AMD1: variants seen among roughly 807,000 people sequenced by gnomAD.
The protein encoded by AMD1 is S-adenosylmethionine decarboxylase proenzyme.
A neutral mutation model predicts 40.2 loss-of-function variants in AMD1; 11 were observed. The ratio of observed to expected loss-of-function variants is 0.27; its 90% CI spans 0.17 to 0.45. The LOEUF is 0.45. AMD1 is among the 20% of genes least tolerant of loss of function. The probability of loss-of-function intolerance (pLI) is 1.00; values close to 1 mark genes in which losing one functional copy is unlikely to be tolerated. For missense variants in AMD1, 257 were observed against 410.2 expected, an observed-to-expected ratio of 0.63 and a Z score of 3.23; for synonymous variants, 121 against 130.8, an observed-to-expected ratio of 0.93 and a Z score of 0.51.
At chr6:110,852,347 GAGTAGCT>G in the AMD1 span, among the ~76,000 whole-genome samples, 2 of 149,832 alleles carry the variant, frequency 1.3e-5, no homozygotes, top group African/African-American at 2.5e-5. Flanking sequence ...TCAGTCTCCC[GAGTAGCT>G]ACAACTACAG....
intron 1 of AMD1, among the ~76,000 whole-genome samples, chr6:110,878,449 G>T (rs1191341782): frequency 2.0e-5 from 3 of 152,114 alleles, no homozygotes; most frequent in Admixed American, 6.5e-5. Flanking sequence ...GTAATACTGA[G>T]AAATTTAACA....
At chr6:110,890,231 CTT>C in intron 3 of AMD1, 21 bp from the exon 4 acceptor site, 3 of 1,456,530 alleles carry the variant, frequency 2.1e-6, no homozygotes, top group Non-Finnish European at 2.8e-6. Context: ...CTTTTTTTTT[CTT>C]TCTTTTCTTT....
At chr6:110,887,312 G>A (rs932437892) in intron 1 of AMD1, among the ~76,000 whole-genome samples, 193 bp from the exon 2 acceptor site, 4 of 151,786 alleles carry the variant, frequency 2.6e-5, no homozygotes, top group Non-Finnish European at 5.9e-5. Flanking sequence ...ACCAATTTTT[G>A]TTTCATATAT....
the AMD1 span, among the ~76,000 whole-genome samples, chr6:110,830,342 A>G: frequency 6.6e-6 from 1 of 152,054 alleles, no homozygotes; most frequent in African/African-American, 2.4e-5. Flanking sequence ...GTTTCGAGAC[A>G]GGATCTCACT....
chr6:110,844,499 G>A, the AMD1 span, among the ~76,000 whole-genome samples: 5 of 151,368 alleles, frequency 3.3e-5, no homozygotes, highest in African/African-American at 9.7e-5. Flanking sequence ...GGCTTCTTCT[G>A]GGCTGGGTGT....
the AMD1 span, among the ~76,000 whole-genome samples, chr6:110,817,140 A>G: frequency 6.6e-6 from 1 of 152,322 alleles, no homozygotes; most frequent in South Asian, 2.1e-4. Flanking sequence ...GATAGGACAT[A>G]ACACATTCAT....
the AMD1 span, among the ~76,000 whole-genome samples, chr6:110,820,240 CTT>C: frequency 4.9e-5 from 7 of 141,964 alleles, no homozygotes; most frequent in Non-Finnish European, 4.6e-5. Context: ...TTCTTTCTTT[CTT>C]TTTTTTTTTT....
intron 4 of AMD1, 34 bp from the exon 5 acceptor site, chr6:110,892,127 G>T: frequency 6.2e-7 from 1 of 1,609,362 alleles, no homozygotes; most frequent in Non-Finnish European, 8.5e-7. Flanking sequence ...AAATGGATGT[G>T]TTATATTTAT....
At chr6:110,823,158 T>C in the AMD1 span, among the ~76,000 whole-genome samples, 5 of 152,218 alleles carry the variant, frequency 3.3e-5, no homozygotes, top group African/African-American at 9.6e-5. Flanking sequence ...AGAAGAAGCA[T>C]TTTCTAAAAT....
intron 1 of AMD1, among the ~76,000 whole-genome samples, chr6:110,877,324 C>G (rs1050301732): frequency 2.0e-5 from 3 of 152,250 alleles, no homozygotes; most frequent in Non-Finnish European, 4.4e-5. Context: ...TTCGTTGGAA[C>G]ATTTTTCAGT....
chr6:110,883,747 A>ACG (rs1785529563), intron 1 of AMD1, among the ~76,000 whole-genome samples: 1 of 150,456 alleles, frequency 6.6e-6, no homozygotes, highest in Admixed American at 6.6e-5. Flanking sequence ...GCCCGCCACC[A>ACG]TGCCCAGCTA....
At chr6:110,869,226 G>A in the AMD1 span, among the ~76,000 whole-genome samples, 6 of 151,616 alleles carry the variant, frequency 4.0e-5, no homozygotes, top group African/African-American at 1.4e-4. Flanking sequence ...CGCCTCCCGG[G>A]GTCCCGCCAT....
At chr6:110,840,649 G>A in the AMD1 span, among the ~76,000 whole-genome samples, 356 of 151,686 alleles carry the variant, frequency 2.3e-3, 1 homozygote, top group African/African-American at 8.2e-3. Flanking sequence ...CAGTCCTCTC[G>A]GGTTTTTATG....
At chr6:110,837,745 AATATATATATATAT>A in the AMD1 span, among the ~76,000 whole-genome samples, 3 of 17,838 alleles carry the variant, frequency 1.7e-4, no homozygotes, top group African/African-American at 6.8e-4. Context: ...AAAAAAAAAA[AATATATATATATAT>A]ATATATATAT....
the AMD1 span, chr6:110,815,340 C>G: frequency 2.5e-6 from 1 of 399,538 alleles, no homozygotes; most frequent in Non-Finnish European, 4.3e-6. Flanking sequence ...CCACCTCTTC[C>G]TCCTCCTCCT....
intron 1 of AMD1, chr6:110,875,484 A>G: frequency 2.7e-6 from 1 of 371,902 alleles, no homozygotes; most frequent in Non-Finnish European, 4.9e-6. Flanking sequence ...GTGCTCAGGT[A>G]ACGTCCCGCG....
chr6:110,893,710 A>C lies in AMD1; in HGVS notation c.*94A>C, dbSNP rs1786165976. 4 of 1,392,300 alleles carry C rather than the reference A, an allele frequency of 2.9e-6. No homozygotes were observed. The highest frequency in any genetic ancestry group is 3.9e-6 in the Non-Finnish European group (4 of 1,018,872). 86.2% of individuals were successfully genotyped at this position (1,392,300 alleles called of 1,614,324 possible). ...CGATGCTGGGGGCAGTGCTTTCCAT[A>C]ACCACCACTGTGTAGTTGCAGAAAG... On this transcript the variant is annotated 3_prime_UTR_variant, in exon 9 of 9. Transcript: ENST00000368885.
rs575558512 is a variant in AMD1, at chr6:110,875,953, G to A, written c.110+738G>A. 7.5e-4 allele frequency among the ~76,000 whole-genome samples: 114 copies of A among 152,316 alleles called. 1 individual carries two copies. Among genetic ancestry groups the A allele is most frequent in the South Asian group, 1.2e-3 (6 of 4,826 alleles). ...CGACACGGCCGCTGAGGCCGCTGGGGGCTGCTCCCCAATCTCTTGACCTTG... is the reference window on the plus strand; with the variant it reads ...CGACACGGCCGCTGAGGCCGCTGGGAGCTGCTCCCCAATCTCTTGACCTTG... On this transcript the variant is annotated intron_variant, in intron 1 of 8. Coordinates refer to ENST00000368885, the MANE Select transcript of AMD1 (RefSeq NM_001634.6).
At chr6:110,860,940 G>T in the AMD1 span, among the ~76,000 whole-genome samples, 1 of 150,960 alleles carries the variant, frequency 6.6e-6, no homozygotes, top group African/African-American at 2.4e-5. Flanking sequence ...TTTATTAATT[G>T]GCTGGTCGGG....
Sources: allele counts gnomAD v4.1 joint callset (sites outside exome capture counted in the v4.1 genomes callset), GRCh38; gene constraint gnomAD v4.1.1; transcripts MANE v1.5; gene names NCBI Gene and HGNC (gene_info 2026-07-23, HGNC 2026-07-21).